CADPS2: variants seen among roughly 807,000 people sequenced by gnomAD.
CADPS2 encodes the protein calcium dependent secretion activator 2.
A neutral mutation model predicts 172.5 loss-of-function variants in CADPS2; 93 were observed. The observed-to-expected ratio is 0.54, with a 90% CI of 0.46 to 0.64. The LOEUF (loss-of-function observed/expected upper bound fraction) is 0.64. Ranked by LOEUF, CADPS2 falls within the 30% of genes least tolerant of loss-of-function variation. The pLI is 0.00. For synonymous variants in CADPS2, 546 were observed against 555.2 expected (o/e 0.98, Z 0.23); for missense variants, 1,420 against 1,565.9 (o/e 0.91, Z 1.57).
rs527881833 is a variant in CADPS2 at position 122,742,852 on chromosome 7, T to C, written c.340-5784A>G. On this transcript the variant is annotated intron_variant, in intron 1 of 29. Coordinates refer to ENST00000449022, the MANE Select transcript of CADPS2 (RefSeq NM_017954.11). ...TTATAATCACTAACATAATAACATA[T>C]TATCCATAGTCTCCTCCAGGTCGTT... 7.2e-5 allele frequency among the ~76,000 whole-genome samples: 11 copies of C among 152,296 alleles called. No homozygotes were observed. The South Asian group carries it at 1.7e-3, about 23-fold the overall frequency.
intron 1 of CADPS2, among the ~76,000 whole-genome samples, chr7:122,811,473 C>T (rs930781671): frequency 1.3e-5 from 2 of 152,056 alleles, no homozygotes; most frequent in African/African-American, 4.8e-5. Flanking sequence ...TAATTTTGGA[C>T]TTTCAAAATA....
intron 20 of CADPS2, among the ~76,000 whole-genome samples, chr7:122,403,911 TATAAA>T (rs1180083598): frequency 4.6e-5 from 7 of 152,220 alleles, no homozygotes; most frequent in African/African-American, 1.7e-4. Flanking sequence ...TTGTTTTCTC[TATAAA>T]ATAAATTACA....
chr7:122,805,082 A>C (rs10236319), intron 1 of CADPS2, among the ~76,000 whole-genome samples: 1,879 of 152,322 alleles, frequency 0.012, 42 homozygotes, highest in African/African-American at 0.043. Context: ...CAAGAGCCAC[A>C]TGAATCACCT....
intron 1 of CADPS2, among the ~76,000 whole-genome samples, chr7:122,835,661 A>G (rs1280660596): frequency 6.6e-6 from 1 of 152,248 alleles, no homozygotes; most frequent in Non-Finnish European, 1.5e-5. Context: ...AGCCGATTCA[A>G]TCAACTGGAA....
At chr7:122,633,339 T>G (rs1388358033) in intron 3 of CADPS2, among the ~76,000 whole-genome samples, 1 of 152,176 alleles carries the variant, frequency 6.6e-6, no homozygotes, top group Non-Finnish European at 1.5e-5. Context: ...GGAATATTTT[T>G]CCATTTATTT....
chr7:122,786,903 C>A (rs1276261246), intron 1 of CADPS2, among the ~76,000 whole-genome samples: 1 of 152,156 alleles, frequency 6.6e-6, no homozygotes, highest in Non-Finnish European at 1.5e-5. Flanking sequence ...AGCATCTTCC[C>A]ACTAGAAACC....
chr7:122,354,579 T>G lies in CADPS2; in HGVS notation c.3504+6209A>C, dbSNP rs798691. Among the ~76,000 whole-genome samples, 1,208 of 152,156 alleles carry G rather than the reference T, an allele frequency of 7.9e-3. 8 individuals are homozygous for G. Among genetic ancestry groups the G allele is most frequent in the African/African-American group, 0.02 (833 of 41,518 alleles). ...TTACGGGTGAGCAAAACTTTTTTTT[T>G]GGGGGGGAGGGGTTAGTATAATAAT... On this transcript the variant is annotated intron_variant, in intron 27 of 29. Coordinates refer to ENST00000449022, the MANE Select transcript of CADPS2 (RefSeq NM_017954.11).
chr7:122,321,354 G>C (rs2032459200), intron 29 of CADPS2, among the ~76,000 whole-genome samples: 1 of 152,160 alleles, frequency 6.6e-6, no homozygotes, highest in African/African-American at 2.4e-5. Flanking sequence ...TTTTTGTAGA[G>C]ACAAGGTCTT....
At chr7:122,531,473 A>T (rs1419070679) in intron 8 of CADPS2, among the ~76,000 whole-genome samples, 1 of 152,184 alleles carries the variant, frequency 6.6e-6, no homozygotes, top group African/African-American at 2.4e-5. Flanking sequence ...AGTTGTTCCC[A>T]CTAACTCTTA....
intron 6 of CADPS2, among the ~76,000 whole-genome samples, chr7:122,582,411 T>C (rs778177869): frequency 6.6e-5 from 10 of 151,906 alleles, no homozygotes; most frequent in Non-Finnish European, 4.4e-5. Context: ...CTGAAGAAAC[T>C]GGCATCTAGA....
intron 11 of CADPS2, among the ~76,000 whole-genome samples, chr7:122,486,333 T>TA (rs2057813056): frequency 6.6e-6 from 1 of 152,040 alleles, no homozygotes; most frequent in South Asian, 2.1e-4. Context: ...TGGGCGGAGG[T>TA]AAAAATATCA....
intron 7 of CADPS2, among the ~76,000 whole-genome samples, chr7:122,566,038 C>T (rs2066424524): frequency 6.6e-6 from 1 of 152,136 alleles, no homozygotes; most frequent in Non-Finnish European, 1.5e-5. Context: ...CATGTGGTAT[C>T]TGTCTTTCTG....
intron 6 of CADPS2, among the ~76,000 whole-genome samples, chr7:122,606,880 G>T (rs2073634428): frequency 6.6e-6 from 1 of 152,106 alleles, no homozygotes; most frequent in Admixed American, 6.6e-5. Flanking sequence ...CCCAGGGGAA[G>T]AGGAAAGAGG....
chr7:122,507,632 G>T (rs939702282), intron 9 of CADPS2, among the ~76,000 whole-genome samples: 6 of 152,132 alleles, frequency 3.9e-5, no homozygotes, highest in African/African-American at 1.4e-4. Context: ...GGGAGTCCCT[G>T]GAAGAATTTA....
At chr7:122,793,799 A>T (rs960913644) in intron 1 of CADPS2, among the ~76,000 whole-genome samples, 9 of 152,094 alleles carry the variant, frequency 5.9e-5, no homozygotes, top group African/African-American at 1.9e-4. Flanking sequence ...TGCTTCCTTC[A>T]GGAGCTCTTG....
chr7:122,759,555 G>A lies in CADPS2; in HGVS notation c.340-22487C>T, dbSNP rs558650404. On this transcript the variant is annotated intron_variant, in intron 1 of 29. Transcript: ENST00000449022. ...TTTCTGAGTTCTCAGAAATTGTTTG[G>A]GGTTTCAGAAAAAAAGGCTTTTGAA... Among the ~76,000 whole-genome samples, 579 of 152,044 alleles carry A rather than the reference G, an allele frequency of 3.8e-3. 1 individual carries two copies. The highest frequency in any genetic ancestry group is 6.6e-3 in the Non-Finnish European group (451 of 67,946).
At chr7:122,627,060 T>C (rs1563897202) in intron 4 of CADPS2, among the ~76,000 whole-genome samples, 1 of 152,188 alleles carries the variant, frequency 6.6e-6, no homozygotes, top group Admixed American at 6.5e-5. Flanking sequence ...ACCACTCTTC[T>C]GGAATGATCA....
At position 122,481,162 on chromosome 7, in the gene CADPS2, CTTTT is replaced by C. The variant is rs35352953; in HGVS notation, c.1853-306_1853-303del. 1.0e-3 allele frequency among the ~76,000 whole-genome samples: 108 copies of C among 107,528 alleles called. 1 individual carries two copies. The highest frequency in any genetic ancestry group is 5.8e-3 in the Middle Eastern group (1 of 172). 70.5% of individuals were successfully genotyped at this position (107,528 alleles called of 152,430 possible). ...AGGTAGAACATTTTCTTTCTTCATT[CTTTT>C]TTTTTTTTTTTTTTTTTTTGACGGA... On this transcript the variant is annotated intron_variant, in intron 11 of 29. Coordinates refer to ENST00000449022, the MANE Select transcript of CADPS2 (RefSeq NM_017954.11).
Position 122,673,433 on chromosome 7 carries a change from A to T in CADPS2, c.454-9864T>A, listed in dbSNP as rs2082071938. Among the ~76,000 whole-genome samples the T allele has an allele frequency of 2.0e-5, 3 of 152,210 alleles. No homozygotes were observed. In the South Asian group the frequency reaches 6.2e-4, roughly 31 times the overall value. On this transcript the variant is annotated intron_variant, in intron 2 of 29. Coordinates refer to ENST00000449022, the MANE Select transcript of CADPS2 (RefSeq NM_017954.11). ...TACATTTACAATCCTCTAGCTGGAC[A>T]TAAAAGTTCTCCAAGTCCCCACTAG...
Sources: gnomAD v4.1 joint callset for allele counts (sites outside exome capture counted in the v4.1 genomes callset) on GRCh38, gnomAD v4.1.1 for gene constraint, MANE v1.5 for transcripts, NCBI Gene and HGNC (gene_info 2026-07-23, HGNC 2026-07-21) for gene names.